The following PRDM1 variants were observed in gnomAD, a reference collection of about 807,000 sequenced individuals.
The protein encoded by PRDM1 is PR domain zinc finger protein 1.
In PRDM1, 13 loss-of-function variants were observed where a neutral mutation model predicts 62.8. The ratio of observed to expected loss-of-function variants is 0.21; its 90% CI spans 0.13 to 0.33. PRDM1 has a LOEUF of 0.33. PRDM1 is among the 10% of genes least tolerant of loss of function. The pLI, the probability that PRDM1 is intolerant of heterozygous loss-of-function variation, is 1.00. For missense variants in PRDM1, 895 were observed against 1,058.8 expected, an observed-to-expected ratio of 0.85 and a Z score of 2.15; for synonymous variants, 396 against 417.6, an observed-to-expected ratio of 0.95 and a Z score of 0.63.
intron 1 of PRDM1, among the ~76,000 whole-genome samples, chr6:106,035,074 G>T (rs1772906648): frequency 6.6e-6 from 1 of 152,134 alleles, no homozygotes; most frequent in South Asian, 2.1e-4. Context: ...TCGTTATGTT[G>T]TTCAGGTGCT....
upstream of PRDM1, among the ~76,000 whole-genome samples, chr6:106,045,259 C>T (rs1251768412): frequency 2.0e-5 from 3 of 151,958 alleles, no homozygotes; most frequent in East Asian, 1.9e-4. Flanking sequence ...TTGCACAAGT[C>T]GCAGAGGGCA....
At chr6:106,070,500 T>C (rs1773493934) in intron 1 of PRDM1, among the ~76,000 whole-genome samples, 1 of 152,210 alleles carries the variant, frequency 6.6e-6, no homozygotes, top group Non-Finnish European at 1.5e-5. Flanking sequence ...GTCATAATTG[T>C]ACATAACATT....
At chr6:106,019,297 C>T (rs1009339536) in intron 1 of PRDM1, among the ~76,000 whole-genome samples, 1 of 140,358 alleles carries the variant, frequency 7.1e-6, no homozygotes, top group Non-Finnish European at 1.5e-5. Flanking sequence ...AAGCTTAGAA[C>T]CTTCTATATG....
rs1554205648 is a variant in PRDM1 at position 106,107,697 on chromosome 6, T to TATA, written c.*213_*214insAAT. 4.4e-6 allele frequency: 1 copy of TATA among 225,708 alleles called. No homozygotes were observed. Among genetic ancestry groups the TATA allele is most frequent in the Non-Finnish European group, 8.5e-6 (1 of 117,330 alleles). The allele number at this position is 225,708 out of a possible 1,614,324, so 14.0% of individuals were successfully genotyped here. ...AAGGCCATATATATATATATATATA[T>TATA]ATCTGTATACATATTATATATACTT... is the stretch of plus-strand genomic sequence containing the variant. On this transcript the variant is annotated 3_prime_UTR_variant, in exon 7 of 7. Coordinates refer to ENST00000369096, the MANE Select transcript of PRDM1 (RefSeq NM_001198.4).
intron 2 of PRDM1, among the ~76,000 whole-genome samples, chr6:106,094,875 C>T (rs959084663): frequency 2.0e-5 from 3 of 151,412 alleles, no homozygotes; most frequent in Non-Finnish European, 4.4e-5. Context: ...TGCATTCCAG[C>T]CTGAGTGATA....
Position 106,107,149 on chromosome 6 carries a change from C to T in PRDM1, c.2141C>T (p.Pro714Leu), listed in dbSNP as rs367573477. 194 of 1,614,152 alleles carry T rather than the reference C, an allele frequency of 1.2e-4. No individual in the cohort carries two copies. The highest frequency in any genetic ancestry group is 4.2e-4 in the East Asian group (19 of 44,878). ...VHLKGNCAAA[P>L]APGLPLEDLT... ...CTGAAAGGGAACTGCGCTGCGGCCC[C>T]GGCGCCTGGGCTGCCCTTGGAAGAT... is the stretch of plus-strand genomic sequence containing the variant. The change falls in exon 7 of 7, where the codon CCG becomes CTG. Residue 714 changes from proline (P) to leucine (L), a missense_variant. Around this residue, in one of 4 missense-constraint regions of PRDM1, gnomAD observed 164 missense variants for 179.9 expected, o/e 0.91. Transcript: ENST00000369096.
chr6:106,071,732 A>G (rs1773524094), intron 1 of PRDM1, among the ~76,000 whole-genome samples: 1 of 150,904 alleles, frequency 6.6e-6, no homozygotes, highest in Non-Finnish European at 1.5e-5. Context: ...TCCAAGCCAT[A>G]TATTCAGATG....
chr6:106,050,771 TTTCTCTTTTC>T (rs1773160826), intron 1 of PRDM1, among the ~76,000 whole-genome samples: 1 of 152,220 alleles, frequency 6.6e-6, no homozygotes, highest in Non-Finnish European at 1.5e-5. Flanking sequence ...ATTCATATTC[TTTCTCTTTTC>T]TTCTCTGAGT....
rs1282837041 is a variant in PRDM1 at position 106,098,296 on chromosome 6, T to G, written c.412-1004T>G. On this transcript the variant is annotated intron_variant, in intron 3 of 6. Coordinates refer to ENST00000369096, the MANE Select transcript of PRDM1 (RefSeq NM_001198.4). ...TAAAAAGAGGGGAAGAGAGAAAACT[T>G]TGTGTGGAAGGATAAGGAGTGTGTT... is the stretch of plus-strand genomic sequence containing the variant. The G allele has an allele frequency of 1.3e-5, 13 of 985,070 alleles. No individual in the cohort carries two copies. In the South Asian group the frequency reaches 5.6e-4, roughly 43 times the overall value. The allele number at this position is 985,070 out of a possible 1,614,324, so 61.0% of individuals were successfully genotyped here.
Position 106,106,581 on chromosome 6 carries a change from T to C in PRDM1, c.1902+82T>C. 6.4e-7 allele frequency: 1 copy of C among 1,562,922 alleles called. No individual in the cohort carries two copies. The highest frequency in any genetic ancestry group is 1.2e-5 in the South Asian group (1 of 86,522). On this transcript the variant is annotated intron_variant, in intron 6 of 6. Coordinates refer to ENST00000369096, the MANE Select transcript of PRDM1 (RefSeq NM_001198.4). This position sits in a 1 kb window ranked among gnomAD's most constrained non-coding sequence, Gnocchi z 4.4. ...ACCCTCCCATGTCCTATATAGCCCG[T>C]AGTTAAAGCCAACACCAGATTCTGC...
chr6:106,101,453 C>A (rs1774269577), intron 4 of PRDM1, among the ~76,000 whole-genome samples: 2 of 152,294 alleles, frequency 1.3e-5, no homozygotes, highest in South Asian at 4.1e-4. Context: ...TGTGAAATGA[C>A]ACCTTTTATT....
chr6:106,058,381 C>A lies in PRDM1; in HGVS notation c.-67+9667C>A, dbSNP rs145266461. ...TTTTATAAGGCACTAATCCCATACACAAGAGCTCCACCCTCATTGCCACAT... is the reference window on the plus strand; with the variant it reads ...TTTTATAAGGCACTAATCCCATACAAAAGAGCTCCACCCTCATTGCCACAT... On this transcript the variant is annotated intron_variant, in intron 1 of 6. Transcript: ENST00000651185. Among the ~76,000 whole-genome samples the A allele has an allele frequency of 1.3e-3, 205 of 152,246 alleles. 2 individuals are homozygous for A. The highest frequency in any genetic ancestry group is 4.8e-3 in the African/African-American group (198 of 41,538).
Position 106,105,495 on chromosome 6 carries a change from T to G in PRDM1, c.1335T>G (p.Pro445=), listed in dbSNP as rs1774446648. 2 of 1,613,960 alleles carry G rather than the reference T, an allele frequency of 1.2e-6. No homozygotes were observed. The highest frequency in any genetic ancestry group is 1.7e-6 in the Non-Finnish European group (2 of 1,180,002). Residue 445 remains proline, a synonymous_variant, in exon 5 of 7, where the codon CCT becomes CCG. Transcript: ENST00000369096. ...TTGGCCTCTTCCCGAGGCTGTGCCC[T>G]GTCTACAGCAATCTCCTCGGTGGGG... ...NNFGLFPRLC[P]VYSNLLGGGS...
Position 106,106,556 on chromosome 6 carries a change from A to T in PRDM1, c.1902+57A>T. On this transcript the variant is annotated intron_variant, in intron 6 of 6. Transcript: ENST00000369096. This position sits in a 1 kb window ranked among gnomAD's most constrained non-coding sequence, Gnocchi z 4.4. ...CCTTTGTAGAAAATGTCTGTGAGTC[A>T]CCCTCCCATGTCCTATATAGCCCGT... 1 of 1,604,890 alleles carries T rather than the reference A, an allele frequency of 6.2e-7. No individual in the cohort carries two copies. Among genetic ancestry groups the T allele is most frequent in the Non-Finnish European group, 8.5e-7 (1 of 1,175,706 alleles).
chr6:106,029,000 A>C (rs1329047380), intron 1 of PRDM1, among the ~76,000 whole-genome samples: 2 of 141,560 alleles, frequency 1.4e-5, no homozygotes, highest in African/African-American at 2.7e-5. Context: ...GGCTCATTGC[A>C]ACCTCCACCT....
intron 1 of PRDM1, among the ~76,000 whole-genome samples, chr6:106,078,843 G>A: frequency 6.6e-6 from 1 of 152,062 alleles, no homozygotes; most frequent in East Asian, 1.9e-4. Context: ...GACAGAGGGA[G>A]GCCCTGTCTC....
At chr6:105,996,360 T>A (rs538325623) in intron 1 of PRDM1, among the ~76,000 whole-genome samples, 1 of 152,168 alleles carries the variant, frequency 6.6e-6, no homozygotes, top group African/African-American at 2.4e-5. Context: ...TAATCATTTT[T>A]AAATTGAATA....
intron 1 of PRDM1, among the ~76,000 whole-genome samples, chr6:106,023,425 G>C (rs1178822803): frequency 1.3e-5 from 2 of 151,702 alleles, no homozygotes; most frequent in African/African-American, 4.8e-5. Context: ...AGTGAGCTGA[G>C]ATCTCGCCAC....
At chr6:106,100,798 G>A (rs751847141) in intron 4 of PRDM1, among the ~76,000 whole-genome samples, 3 of 152,164 alleles carry the variant, frequency 2.0e-5, no homozygotes, top group Non-Finnish European at 2.9e-5. Flanking sequence ...GGGAGGTCGT[G>A]TGTTTGGGGT....
Sources: allele counts gnomAD v4.1 joint callset (sites outside exome capture counted in the v4.1 genomes callset), GRCh38; gene constraint gnomAD v4.1.1; regional missense constraint gnomAD v4.1.1; non-coding constraint Gnocchi (gnomAD v3.1); transcripts MANE v1.5; gene names NCBI Gene and HGNC (gene_info 2026-07-23, HGNC 2026-07-21).